The following ZNF44 variants were observed in gnomAD, a reference collection of about 807,000 sequenced individuals.
ZNF44 encodes gonadotropin inducible transcription repressor-2.
ZNF44 carries 9 observed loss-of-function variants against 11.7 expected under a neutral mutation model. That is an observed-to-expected ratio of 0.77 (90% confidence interval 0.46 to 1.35). ZNF44 has a LOEUF of 1.35. Among genes scored for constraint, ZNF44 ranks in the 40% most tolerant of loss-of-function variants. The pLI is 0.00. For missense variants in ZNF44, 696 were observed against 743.1 expected (o/e 0.94, Z 0.74); for synonymous variants, 224 against 242.7 (o/e 0.92, Z 0.72).
At chr19:12,250,276 C>T (rs762908952) in exon 6 of ZNF44, 1 of 1,366,032 alleles carries the variant, frequency 7.3e-7, no homozygotes, top group South Asian at 1.1e-5. Flanking sequence ...TTTCCCACAT[C>T]ACGTCTCTGT....
intron 1 of ZNF44, among the ~76,000 whole-genome samples, chr19:12,289,621 GCT>G (rs1264423648): frequency 6.7e-6 from 1 of 149,958 alleles, no homozygotes; most frequent in Non-Finnish European, 1.5e-5. Context: ...CTTATGTAGC[GCT>G]GTTTTAGAAT....
rs1464273861 is a variant in ZNF44, at chr19:12,273,827, T to C, written c.428A>G (p.His143Arg). ...CHEYAEKSYT[H>R]KQCGKGLSYR... The stretch of plus-strand genomic sequence containing the variant: ...ACTTAAGCCTTTCCCACACTGCTTA[T>C]GTGTATATGACTTCTCTGCATATTC... Residue 143 changes from histidine to arginine, a missense_variant, in exon 4 of 4, where the codon CAT becomes CGT. Physicochemically the swap from His to Arg is conservative, Grantham distance 29. Transcript: ENST00000355684. 6.2e-7 allele frequency: 1 copy of C among 1,614,222 alleles called. No homozygotes were observed. Among genetic ancestry groups the C allele is most frequent in the Non-Finnish European group, 8.5e-7 (1 of 1,180,044 alleles).
intron 1 of ZNF44, 64 bp downstream of exon 1, chr19:12,294,628 C>G (rs1968169795): frequency 3.9e-6 from 6 of 1,541,756 alleles, no homozygotes; most frequent in African/African-American, 1.4e-5. Context: ...CCGCCACAGC[C>G]GGTTCCGACT....
chr19:12,284,439 G>C, intron 1 of ZNF44: 2 of 636,956 alleles, frequency 3.1e-6, no homozygotes, highest in Non-Finnish European at 5.8e-6. Context: ...TGGCATCCGG[G>C]GCCGGGGCCG....
At chr19:12,251,312 G>A (rs1306531018) in intron 5 of ZNF44, among the ~76,000 whole-genome samples, 3 of 143,644 alleles carry the variant, frequency 2.1e-5, no homozygotes, top group East Asian at 2.0e-4. Context: ...CCTGGGCAAC[G>A]GAGCGAGACT....
At chr19:12,236,909 C>CTTTGGT (rs1689985345) in intron 1 of ZNF44, among the ~76,000 whole-genome samples, 1 of 152,094 alleles carries the variant, frequency 6.6e-6, no homozygotes, top group African/African-American at 2.4e-5. Flanking sequence ...GTTGACAGAC[C>CTTTGGT]AAATAAGGCG....
At chr19:12,253,578 G>C (rs1338058582) in intron 5 of ZNF44, among the ~76,000 whole-genome samples, 1 of 152,134 alleles carries the variant, frequency 6.6e-6, no homozygotes, top group Non-Finnish European at 1.5e-5. Flanking sequence ...AAATGCACAA[G>C]GCAAAATGTG....
At chr19:12,239,413 CTT>C (rs34726133), upstream of ZNF44, among the ~76,000 whole-genome samples, 1,753 of 113,842 alleles carry the variant, frequency 0.015, 59 homozygotes, top group African/African-American at 0.059. Context: ...TGCACCTGGC[CTT>C]TTTTTTTTTT....
At chr19:12,266,811 A>C (rs1462810789), downstream of ZNF44, among the ~76,000 whole-genome samples, 2 of 152,102 alleles carry the variant, frequency 1.3e-5, no homozygotes, top group Non-Finnish European at 2.9e-5. Context: ...TCCCTGTACT[A>C]ATGGGACTTT....
At chr19:12,259,437 C>A (rs1917404333) in intron 5 of ZNF44, among the ~76,000 whole-genome samples, 1 of 152,138 alleles carries the variant, frequency 6.6e-6, no homozygotes, top group African/African-American at 2.4e-5. Context: ...ATTATAGAGG[C>A]CAAAAACCCA....
Position 12,255,028 on chromosome 19 carries a change from G to A in ZNF44, c.1913-4660C>T, listed in dbSNP as rs909570527. Among the ~76,000 whole-genome samples, 8 of 150,286 alleles carry A rather than the reference G, an allele frequency of 5.3e-5. 1 individual carries two copies. Among genetic ancestry groups the A allele is most frequent in the Non-Finnish European group, 8.9e-5 (6 of 67,128 alleles). On this transcript the variant is annotated intron_variant and NMD_transcript_variant, in intron 5 of 7. Coordinates refer to the ZNF44 transcript ENST00000393337. ...CACTTGAACCTGGGAGGCAGAGGTTGTGGTGAACCAAGATCGTGCCACTGC... is the reference window on the plus strand; with the variant it reads ...CACTTGAACCTGGGAGGCAGAGGTTATGGTGAACCAAGATCGTGCCACTGC...
At chr19:12,225,983 A>C (rs546851936), downstream of ZNF44, among the ~76,000 whole-genome samples, 1 of 152,382 alleles carries the variant, frequency 6.6e-6, no homozygotes, top group South Asian at 2.1e-4. Flanking sequence ...TAATTTAAAC[A>C]GAAAATAGTA....
chr19:12,268,546 TCA>T (rs891233515), downstream of ZNF44, among the ~76,000 whole-genome samples: 4 of 152,140 alleles, frequency 2.6e-5, no homozygotes, highest in Admixed American at 2.0e-4. Flanking sequence ...AGAAATGGTT[TCA>T]GAGCCAGGAG....
At chr19:12,280,931 G>A (rs1392584970) in intron 1 of ZNF44, among the ~76,000 whole-genome samples, 1 of 152,002 alleles carries the variant, frequency 6.6e-6, no homozygotes, top group Non-Finnish European at 1.5e-5. Context: ...ATAAAACAGA[G>A]CATCAAAATA....
chr19:12,227,057 TG>T (rs1249023171), intron 3 of ZNF44, among the ~76,000 whole-genome samples: 1 of 152,134 alleles, frequency 6.6e-6, no homozygotes, highest in East Asian at 1.9e-4. Context: ...AGCAAGACTC[TG>T]TCTTAAAAAC....
Position 12,273,066 on chromosome 19 carries a change from C to G in ZNF44, c.1189G>C (p.Val397Leu), listed in dbSNP as rs1272708051. Residue 397 changes from valine (V) to leucine (L), a missense_variant, in exon 4 of 4, where the codon GTA (valine) becomes CTA (leucine). Coordinates refer to ENST00000355684, the MANE Select transcript of ZNF44 (RefSeq NM_016264.4). ...HTGDGPHKCT[V>L]CGKAFDSPSV... ...GGAGAATCAAAGGCTTTCCCACATA[C>G]TGTGCATTTATGAGGGCCATCTCCA... 1 of 1,613,186 alleles carries G rather than the reference C, an allele frequency of 6.2e-7. No individual in the cohort carries two copies. Among genetic ancestry groups the G allele is most frequent in the Non-Finnish European group, 8.5e-7 (1 of 1,179,778 alleles).
intron 5 of ZNF44, among the ~76,000 whole-genome samples, chr19:12,255,299 C>A (rs1240742930): frequency 6.6e-6 from 1 of 151,254 alleles, no homozygotes; most frequent in Non-Finnish European, 1.5e-5. Flanking sequence ...GAAATTTTTT[C>A]AAATAGTGAA....
chr19:12,271,107 C>A (rs907421973), downstream of ZNF44, among the ~76,000 whole-genome samples: 9 of 152,060 alleles, frequency 5.9e-5, no homozygotes, highest in Non-Finnish European at 1.0e-4. Flanking sequence ...AGGAGCAGTG[C>A]CATTGATTTG....
chr19:12,265,925 T>A (rs1208727718), intron 5 of ZNF44, among the ~76,000 whole-genome samples: 1 of 152,230 alleles, frequency 6.6e-6, no homozygotes, highest in Non-Finnish European at 1.5e-5. Flanking sequence ...TAGAACCTGG[T>A]GCACGTCGTT....
Sources: allele counts gnomAD v4.1 joint callset (sites outside exome capture counted in the v4.1 genomes callset), GRCh38; gene constraint gnomAD v4.1.1; transcripts MANE v1.5; gene names NCBI Gene and HGNC (gene_info 2026-07-23, HGNC 2026-07-21).